Variants in AKAP13 observed in about 807,000 individuals in gnomAD.
AKAP13 encodes the protein A-kinase anchor protein 13.
Under a neutral mutation model 264.5 loss-of-function variants are expected in AKAP13, and 80 were observed. The observed-to-expected ratio is 0.30, with a 90% CI of 0.25 to 0.36. The LOEUF (loss-of-function observed/expected upper bound fraction) is 0.36, where lower values mean the gene tolerates loss of function less well. Among genes scored for constraint, AKAP13 ranks in the 10% least tolerant of loss-of-function variants. The pLI, the probability that AKAP13 is intolerant of heterozygous loss-of-function variation, is 1.00. For synonymous variants in AKAP13, 1,380 were observed against 1,250.2 expected, an observed-to-expected ratio of 1.10 and a Z score of -2.19; for missense variants, 3,712 against 3,435.2, an observed-to-expected ratio of 1.08 and a Z score of -2.01.
intron 1 of AKAP13, among the ~76,000 whole-genome samples, chr15:85,406,125 T>C (rs1403521656): frequency 1.3e-5 from 2 of 152,236 alleles, no homozygotes; most frequent in Non-Finnish European, 2.9e-5. Context: ...GTGCTGGGAT[T>C]ATAGGTGTAA....
intron 5 of AKAP13, among the ~76,000 whole-genome samples, chr15:85,552,198 A>C (rs1476841735): frequency 1.3e-5 from 2 of 152,222 alleles, no homozygotes; most frequent in Non-Finnish European, 2.9e-5. Flanking sequence ...TTATAGTAGG[A>C]GAACAGTTTC....
Position 85,697,961 on chromosome 15 carries a change from C to T in AKAP13, c.5464+4510C>T, listed in dbSNP as rs149860728. Among the ~76,000 whole-genome samples, 951 of 152,240 alleles carry T rather than the reference C, an allele frequency of 6.2e-3. 10 individuals are homozygous for T. The highest frequency in any genetic ancestry group is 0.022 in the African/African-American group (894 of 41,522). Reference sequence around the variant, plus strand: ...AAGCTACTGTGTTTGATATGTGATTCATACAAAAGCAGTTTGTCAACAAAT... The same window carrying T: ...AAGCTACTGTGTTTGATATGTGATTTATACAAAAGCAGTTTGTCAACAAAT... On this transcript the variant is annotated intron_variant, in intron 17 of 36. Transcript: ENST00000394518.
At chr15:85,653,728 T>C (rs536378598) in intron 10 of AKAP13, among the ~76,000 whole-genome samples, 2 of 152,308 alleles carry the variant, frequency 1.3e-5, no homozygotes, top group East Asian at 3.9e-4. Flanking sequence ...TTGGAAAATA[T>C]TGTGAAAAAG....
chr15:85,719,431 G>T, intron 23 of AKAP13, 105 bp downstream of exon 23: 1 of 1,422,682 alleles, frequency 7.0e-7, no homozygotes, highest in Non-Finnish European at 9.5e-7. Flanking sequence ...TTTATTATCT[G>T]TGTAAGCTCA....
chr15:85,582,187 T>C, intron 7 of AKAP13, 80 bp downstream of exon 7: 3 of 1,444,086 alleles, frequency 2.1e-6, no homozygotes, highest in East Asian at 2.4e-5. Flanking sequence ...GGTAAAAATA[T>C]AGGCATCTTT....
At position 85,426,935 on chromosome 15, in the gene AKAP13, C is replaced by A. The variant is rs2072804869; in HGVS notation, c.-12+46137C>A. On this transcript the variant is annotated intron_variant, in intron 1 of 36. Transcript: ENST00000394518. ...CTGAAGTACTGTTTCCACACAACCTCCTTAGTATTGTTTTGTTTTGTTTTT... is the reference window on the plus strand; with the variant it reads ...CTGAAGTACTGTTTCCACACAACCTACTTAGTATTGTTTTGTTTTGTTTTT... Among the ~76,000 whole-genome samples, 4 of 150,170 alleles carry A rather than the reference C, an allele frequency of 2.7e-5. 1 individual carries two copies. The South Asian group carries it at 8.4e-4, about 32-fold the overall frequency.
rs976924167 is a variant in AKAP13 at position 85,688,994 on chromosome 15, C to G, written c.5289+4121C>G. ...GTTCACAAAGGGAGTGTGGAATGACCCTCTTCAAACCATCCTATCACACTG... is the reference window on the plus strand; with the variant it reads ...GTTCACAAAGGGAGTGTGGAATGACGCTCTTCAAACCATCCTATCACACTG... On this transcript the variant is annotated intron_variant, in intron 16 of 36. Transcript: ENST00000394518. Among the ~76,000 whole-genome samples the G allele has an allele frequency of 4.6e-5, 7 of 152,220 alleles. No homozygotes were observed. The East Asian group carries it at 5.8e-4, about 13-fold the overall frequency.
chr15:85,398,833 A>G (rs2071248365), intron 1 of AKAP13, among the ~76,000 whole-genome samples: 1 of 152,304 alleles, frequency 6.6e-6, no homozygotes, highest in Non-Finnish European at 1.5e-5. Context: ...TATGATTTCA[A>G]GTAACTGACA....
At chr15:85,507,383 C>CCA (rs2076263822) in intron 2 of AKAP13, among the ~76,000 whole-genome samples, 1 of 137,696 alleles carries the variant, frequency 7.3e-6, no homozygotes, top group South Asian at 2.4e-4. Flanking sequence ...TTTGTGCTAC[C>CCA]AAAAAAAAAA....
chr15:85,642,336 A>G (rs2082345593), intron 9 of AKAP13, among the ~76,000 whole-genome samples: 1 of 152,238 alleles, frequency 6.6e-6, no homozygotes, highest in Admixed American at 6.5e-5. Context: ...TCTTCTATTA[A>G]GTAGTCAGAC....
In AKAP13 at chr15:85,553,084, C is replaced by CTTTTT. The variant is rs10693195; in HGVS notation, c.662+9143_662+9147dup. Reference sequence around the variant, plus strand: ...TTAATATAATCTAACATCTGTAATTCTTTTTTTTTTTTTTTTTTGGAGACG... The same window carrying CTTTTT: ...TTAATATAATCTAACATCTGTAATTCTTTTTTTTTTTTTTTTTTTTTTTGGAGACG... On this transcript the variant is annotated intron_variant, in intron 5 of 36. Transcript: ENST00000394518. Among the ~76,000 whole-genome samples, 73 of 120,384 alleles carry CTTTTT rather than the reference C, an allele frequency of 6.1e-4. 3 individuals carry two copies. The highest frequency in any genetic ancestry group is 1.5e-3 in the African/African-American group (48 of 31,928). 79.0% of individuals were successfully genotyped at this position (120,384 alleles called of 152,430 possible). A position where few individuals can be genotyped will look rare whatever the true frequency, so the allele number is the denominator to read the frequency against.
intron 19 of AKAP13, among the ~76,000 whole-genome samples, chr15:85,715,055 G>A (rs338528): frequency 0.94 from 142,781 of 152,318 alleles, 66,966 homozygotes; most frequent in East Asian, 0.98. Context: ...CCCGTTGCCT[G>A]TCCCACCCCA....
chr15:85,731,456 A>C (rs2088021947), intron 30 of AKAP13, among the ~76,000 whole-genome samples: 1 of 152,110 alleles, frequency 6.6e-6, no homozygotes, highest in East Asian at 1.9e-4. Flanking sequence ...TTATCTTTGA[A>C]CAATCTGAGC....
Position 85,580,430 on chromosome 15 carries a change from G to C in AKAP13, c.2362G>C (p.Ala788Pro), listed in dbSNP as rs1272592495. ...AATATCAGACAGTACTTTCTCTCTG[G>C]CAAACAGTCCAGGCAGTGAATCAGT... is the stretch of plus-strand genomic sequence containing the variant. ...AVISDSTFSL[A>P]NSPGSESVTK... The change falls in exon 7 of 37, where the codon GCA becomes CCA. Residue 788 changes from alanine (A) to proline (P), a missense_variant. By Grantham distance (27) the Ala-to-Pro change is conservative (BLOSUM62 -1). Transcript: ENST00000394518. 6.2e-7 allele frequency: 1 copy of C among 1,614,206 alleles called. No homozygotes were observed. The highest frequency in any genetic ancestry group is 1.3e-5 in the African/African-American group (1 of 75,054).
intron 1 of AKAP13, among the ~76,000 whole-genome samples, chr15:85,412,005 CAA>C (rs927446960): frequency 6.6e-6 from 1 of 152,152 alleles, no homozygotes; most frequent in Non-Finnish European, 1.5e-5. Flanking sequence ...ATGATATTAA[CAA>C]ATGTGATTTT....
intron 1 of AKAP13, among the ~76,000 whole-genome samples, chr15:85,446,127 T>C (rs1433066984): frequency 6.6e-6 from 1 of 152,218 alleles, no homozygotes; most frequent in Non-Finnish European, 1.5e-5. Context: ...CTAGGGAGTT[T>C]GGCTTTAATG....
chr15:85,719,033 A>G (rs762068988), intron 22 of AKAP13, 43 bp from the exon 23 acceptor site: 1 of 1,606,148 alleles, frequency 6.2e-7, no homozygotes, highest in Non-Finnish European at 8.5e-7. Flanking sequence ...GCGAATGCTT[A>G]TAAAAGAGTG....
intron 8 of AKAP13, among the ~76,000 whole-genome samples, chr15:85,637,489 G>C (rs1009178439): frequency 6.6e-6 from 1 of 152,104 alleles, no homozygotes; most frequent in South Asian, 2.1e-4. Context: ...GTGTCACTCT[G>C]TAATTCCTGA....
intron 6 of AKAP13, among the ~76,000 whole-genome samples, 191 bp from the exon 7 acceptor site, chr15:85,578,739 G>A (rs1218250743): frequency 6.6e-6 from 1 of 152,006 alleles, no homozygotes; most frequent in Non-Finnish European, 1.5e-5. Context: ...CAGTATATAG[G>A]CAGATATGAA....
Sources: allele counts gnomAD v4.1 joint callset (sites outside exome capture counted in the v4.1 genomes callset), GRCh38; gene constraint gnomAD v4.1.1; transcripts MANE v1.5; gene names NCBI Gene and HGNC (gene_info 2026-07-23, HGNC 2026-07-21).